The following STAT5B variants were observed in gnomAD, a reference collection of about 807,000 sequenced individuals.
STAT5B encodes signal transducer and activator of transcription 5B, also known as transcription factor STAT5B.
In STAT5B, 21 loss-of-function variants were observed where a neutral mutation model predicts 107.8. The observed-to-expected ratio is 0.19, with a 90% confidence interval of 0.14 to 0.28. The LOEUF is 0.28. Ranked by LOEUF, STAT5B falls within the 10% of genes least tolerant of loss-of-function variation. The probability of loss-of-function intolerance (pLI) is 1.00; values close to 1 mark genes in which losing one functional copy is unlikely to be tolerated. For synonymous variants in STAT5B, 325 were observed against 401.7 expected (o/e 0.81, Z 2.28); for missense variants, 565 against 1,008.2 (o/e 0.56, Z 5.95).
rs540593464 is a variant in STAT5B at position 42,265,541 on chromosome 17, C to G, written c.-11+10707G>C. ...CTAATTTTTGTATTTTTAGTAGAGA[C>G]GGGGTTTCACCATGTTGGCCGGGAT... is the stretch of plus-strand genomic sequence containing the variant. On this transcript the variant is annotated intron_variant, in intron 1 of 18. Coordinates refer to ENST00000293328, the MANE Select transcript of STAT5B (RefSeq NM_012448.4). Among the ~76,000 whole-genome samples the G allele has an allele frequency of 2.6e-4, 40 of 151,664 alleles. No homozygotes were observed. In the South Asian group the frequency reaches 7.7e-3, roughly 29 times the overall value.
At chr17:42,214,695 T>TTTG in intron 12 of STAT5B, 2 of 944,832 alleles carry the variant, frequency 2.1e-6, no homozygotes, top group Non-Finnish European at 2.5e-6. Flanking sequence ...CCTTTTATCA[T>TTTG]GCTTTTATGG....
At chr17:42,215,274 A>C (rs2080162031) in intron 12 of STAT5B, among the ~76,000 whole-genome samples, 1 of 152,206 alleles carries the variant, frequency 6.6e-6, no homozygotes, top group South Asian at 2.1e-4. Context: ...GCCTCTGGAG[A>C]GATCTAACCT....
chr17:42,217,686 G>GA, intron 9 of STAT5B: 3 of 522,188 alleles, frequency 5.7e-6, no homozygotes, highest in South Asian at 2.1e-5. Flanking sequence ...GTTCCTAAGA[G>GA]AACTTTTTTT....
At chr17:42,279,868 A>C (rs1567683007), upstream of STAT5B, among the ~76,000 whole-genome samples, 1 of 151,900 alleles carries the variant, frequency 6.6e-6, no homozygotes, top group African/African-American at 2.4e-5. Flanking sequence ...AGCTCTAGGC[A>C]CATCTCTGAC....
intron 1 of STAT5B, among the ~76,000 whole-genome samples, chr17:42,255,147 T>C (rs1213145710): frequency 6.6e-6 from 1 of 152,190 alleles, no homozygotes; most frequent in Non-Finnish European, 1.5e-5. Flanking sequence ...GAACCTCCCC[T>C]GCAGCTGAGG....
the STAT5B span, among the ~76,000 whole-genome samples, chr17:42,286,861 C>T: frequency 6.6e-6 from 1 of 152,052 alleles, no homozygotes; most frequent in Admixed American, 6.5e-5. Flanking sequence ...AAGTCACTTC[C>T]CCTCTCTGGC....
chr17:42,267,790 C>T (rs2080686497), intron 1 of STAT5B, among the ~76,000 whole-genome samples: 2 of 151,860 alleles, frequency 1.3e-5, no homozygotes, highest in South Asian at 2.1e-4. Flanking sequence ...GAAACCCCGT[C>T]TCTACTAAAA....
At chr17:42,204,102 G>A (rs73986531) in intron 16 of STAT5B, among the ~76,000 whole-genome samples, 48 of 152,278 alleles carry the variant, frequency 3.2e-4, no homozygotes, top group African/African-American at 8.9e-4. Context: ...GCTCCTTCAC[G>A]CCTGGTGTTT....
At chr17:42,211,683 A>T (rs921791830) in intron 13 of STAT5B, among the ~76,000 whole-genome samples, 1 of 152,086 alleles carries the variant, frequency 6.6e-6, no homozygotes, top group Non-Finnish European at 1.5e-5. Flanking sequence ...CAGAGTTCGC[A>T]TCCCCTCAAA....
intron 1 of STAT5B, among the ~76,000 whole-genome samples, chr17:42,233,569 C>A (rs2080334694): frequency 1.3e-5 from 2 of 151,702 alleles, no homozygotes; most frequent in African/African-American, 4.8e-5. Context: ...CAGCTCACTG[C>A]TAGCCCCGCC....
At position 42,201,440 on chromosome 17, in the gene STAT5B, C is replaced by T; in HGVS notation, c.*298G>A. 1.7e-6 allele frequency: 1 copy of T among 599,126 alleles called. No homozygotes were observed. Among genetic ancestry groups the T allele is most frequent in the South Asian group, 2.0e-5 (1 of 49,804 alleles). 37.1% of individuals were successfully genotyped at this position (599,126 alleles called of 1,614,324 possible). Reference sequence around the variant, plus strand: ...ACTGCCTTTTTGCACAAAGTAAAAACCACCACAGCTTCTGTCTGTGGCCCC... The same window carrying T: ...ACTGCCTTTTTGCACAAAGTAAAAATCACCACAGCTTCTGTCTGTGGCCCC... On this transcript the variant is annotated 3_prime_UTR_variant, in exon 19 of 19. Coordinates refer to ENST00000293328, the MANE Select transcript of STAT5B (RefSeq NM_012448.4).
At chr17:42,267,997 A>G (rs969914909) in intron 1 of STAT5B, among the ~76,000 whole-genome samples, 1 of 152,106 alleles carries the variant, frequency 6.6e-6, no homozygotes, top group Non-Finnish European at 1.5e-5. Context: ...ACAAAGTAAA[A>G]GTATTACAGT....
intron 1 of STAT5B, chr17:42,269,582 T>C (rs1242934367): frequency 6.6e-6 from 1 of 152,152 alleles, no homozygotes; most frequent in Non-Finnish European, 1.5e-5. Context: ...CCACTGACAT[T>C]GTAACTTCTG....
intron 1 of STAT5B, among the ~76,000 whole-genome samples, chr17:42,240,129 G>C (rs1020206718): frequency 6.6e-6 from 1 of 152,184 alleles, no homozygotes; most frequent in Non-Finnish European, 1.5e-5. Context: ...GGCAAGCACA[G>C]CAAGACTCTG....
Position 42,217,166 on chromosome 17 carries a change from T to C in STAT5B, c.1374A>G (p.Gln458=), listed in dbSNP as rs1168470642. Residue 458 remains glutamine, a synonymous_variant, in exon 11 of 19, where the codon CAA becomes CAG. Coordinates refer to ENST00000293328, the MANE Select transcript of STAT5B (RefSeq NM_012448.4). ...AGCTGAGGGAAGGCTTTACCTTGAC[T>C]TGAAAAACCAGCTCATTTCCACCAA... ...FSVGGNELVF[Q]VKTLSLPVVV... is the part of the protein sequence containing the mutation. The C allele has an allele frequency of 1.2e-6, 2 of 1,612,504 alleles. No individual in the cohort carries two copies. The highest frequency in any genetic ancestry group is 1.7e-6 in the Non-Finnish European group (2 of 1,179,300).
intron 18 of STAT5B, 128 bp downstream of exon 18, chr17:42,202,212 G>A (rs549334408): frequency 3.5e-5 from 39 of 1,125,734 alleles, no homozygotes; most frequent in Admixed American, 3.1e-4. Flanking sequence ...GCCAGAGCCC[G>A]GGCCAGGGCT....
chr17:42,219,831 G>C lies in STAT5B; in HGVS notation c.562C>G (p.Pro188Ala), dbSNP rs1324335332. ...TCCTGGGGGCTCAGCTGGGCCAGCG[G>C]GCCAAACTGAGCTAGAGGAGGGGAG... ...ESLRIQAQFG[P>A]LAQLSPQERL... The change falls in exon 6 of 19, where the codon CCG (proline) becomes GCG (alanine). Residue 188 changes from proline to alanine, a missense_variant. This residue lies in a region of STAT5B where 56 missense variants were observed against 104.5 expected (regional missense o/e 0.54). Coordinates refer to ENST00000293328, the MANE Select transcript of STAT5B (RefSeq NM_012448.4). The C allele has an allele frequency of 1.9e-6, 3 of 1,614,066 alleles. No individual in the cohort carries two copies. In the African/African-American group the frequency reaches 4.0e-5, roughly 22 times the overall value.
At chr17:42,209,248 T>TCTTA (rs1251058173) in intron 15 of STAT5B, among the ~76,000 whole-genome samples, 1 of 151,120 alleles carries the variant, frequency 6.6e-6, no homozygotes, top group East Asian at 2.0e-4. Context: ...AGAGACAGGG[T>TCTTA]CTTACTATGT....
rs762397922 is a variant in STAT5B at position 42,219,755 on chromosome 17, G to C, written c.638C>G (p.Ala213Gly). The change falls in exon 6 of 19, where the codon GCC (alanine) becomes GGC (glycine). Residue 213 changes from alanine to glycine, a missense_variant. Physicochemically the swap from Ala to Gly is moderately conservative, Grantham distance 60. Coordinates refer to ENST00000293328, the MANE Select transcript of STAT5B (RefSeq NM_012448.4). ...TGTCTGTGCCTCACGCTGCAACCAG[G>C]CCTCCAGAGACACCTGCTTCTGCTG... ...ALQQKQVSLE[A>G]WLQREAQTLQ... 32 of 1,610,054 alleles carry C rather than the reference G, an allele frequency of 2.0e-5. No homozygotes were observed. The highest frequency in any genetic ancestry group is 2.5e-5 in the Non-Finnish European group (30 of 1,178,580).
Sources: gnomAD v4.1 joint callset for allele counts (sites outside exome capture counted in the v4.1 genomes callset) on GRCh38, gnomAD v4.1.1 for gene constraint, gnomAD v4.1.1 regional missense constraint, MANE v1.5 for transcripts, NCBI Gene and HGNC (gene_info 2026-07-23, HGNC 2026-07-21) for gene names.